The following PHF14 variants were observed in gnomAD, a reference collection of about 807,000 sequenced individuals.
PHF14 encodes the protein PHD finger protein 14.
A neutral mutation model predicts 117.9 loss-of-function variants in PHF14; 55 were observed. The ratio of observed to expected loss-of-function variants is 0.47; its 90% confidence interval spans 0.38 to 0.58. The LOEUF (loss-of-function observed/expected upper bound fraction) is 0.58, where lower values mean the gene tolerates loss of function less well. Among genes scored for constraint, PHF14 ranks in the 20% least tolerant of loss-of-function variants. The pLI is 0.00. For missense variants in PHF14, 978 were observed against 1,122.2 expected, an observed-to-expected ratio of 0.87 and a Z score of 1.84; for synonymous variants, 409 against 368.6, an observed-to-expected ratio of 1.11 and a Z score of -1.26.
intron 16 of PHF14, chr7:11,063,017 G>C (rs1684007338): frequency 1.3e-6 from 1 of 794,322 alleles, no homozygotes; most frequent in African/African-American, 1.9e-5. Flanking sequence ...TAGTGTTGTT[G>C]TATGTTTTTA....
At chr7:11,019,748 T>C (rs1412309975) in intron 5 of PHF14, among the ~76,000 whole-genome samples, 1 of 152,190 alleles carries the variant, frequency 6.6e-6, no homozygotes, top group Non-Finnish European at 1.5e-5. Context: ...ATTTCTGCTC[T>C]GATCTTTATT....
At chr7:11,047,979 A>C (rs1784732411) in intron 13 of PHF14, among the ~76,000 whole-genome samples, 1 of 150,712 alleles carries the variant, frequency 6.6e-6, no homozygotes, top group South Asian at 2.1e-4. Flanking sequence ...GAAAAGAGAA[A>C]AACCTCTTGG....
intron 17 of PHF14, among the ~76,000 whole-genome samples, chr7:11,138,870 CAAGT>C (rs1788322147): frequency 6.6e-6 from 1 of 152,112 alleles, no homozygotes; most frequent in African/African-American, 2.4e-5. Flanking sequence ...ACTTGGAACT[CAAGT>C]AACCTATCTG....
chr7:10,975,542 T>G (rs1781832330), intron 2 of PHF14, among the ~76,000 whole-genome samples: 2 of 152,206 alleles, frequency 1.3e-5, no homozygotes, highest in Admixed American at 1.3e-4. Flanking sequence ...TATATTCACA[T>G]TGTACTAAAC....
In PHF14 at chr7:11,051,795, A is replaced by G. The variant is rs547759521; in HGVS notation, c.2481+15A>G. ...TAAGAAACACGGTAGTTTATTTTTTATTTATCATAAGCATCATACAATTCT... is the reference window on the plus strand; with the variant it reads ...TAAGAAACACGGTAGTTTATTTTTTGTTTATCATAAGCATCATACAATTCT... On this transcript the variant is annotated intron_variant, in intron 14 of 17. Coordinates refer to ENST00000634607, the MANE Select transcript of PHF14 (RefSeq NM_001007157.2). 4.3e-6 allele frequency: 7 copies of G among 1,609,894 alleles called. No individual in the cohort carries two copies. Among genetic ancestry groups the G allele is most frequent in the East Asian group, 4.5e-5 (2 of 44,820 alleles).
chr7:11,032,970 G>C (rs991545748), intron 7 of PHF14, among the ~76,000 whole-genome samples: 1 of 152,166 alleles, frequency 6.6e-6, no homozygotes, highest in Non-Finnish European at 1.5e-5. Context: ...CTGGCTTTCA[G>C]TTTTCTATCC....
At chr7:10,994,281 T>TA (rs1782556795) in intron 4 of PHF14, among the ~76,000 whole-genome samples, 1 of 151,338 alleles carries the variant, frequency 6.6e-6, no homozygotes, top group Non-Finnish European at 1.5e-5. Context: ...CTACTAAAAA[T>TA]ACAAAAAATT....
chr7:11,150,350 G>A (rs753378724), intron 17 of PHF14, among the ~76,000 whole-genome samples: 4 of 152,106 alleles, frequency 2.6e-5, no homozygotes, highest in Non-Finnish European at 5.9e-5. Context: ...TTCTGTGTTT[G>A]CTGGTTATAA....
intron 17 of PHF14, among the ~76,000 whole-genome samples, chr7:11,135,164 G>A (rs937111757): frequency 6.6e-6 from 1 of 152,080 alleles, no homozygotes; most frequent in Non-Finnish European, 1.5e-5. Context: ...AATTATTTAG[G>A]TAACTGTGTA....
At chr7:10,994,675 T>C (rs1413332081) in intron 4 of PHF14, among the ~76,000 whole-genome samples, 2 of 151,834 alleles carry the variant, frequency 1.3e-5, no homozygotes, top group Non-Finnish European at 2.9e-5. Flanking sequence ...TCGCGGTGAG[T>C]GTTAACAGTT....
chr7:11,088,414 A>ACACG (rs1554270420), intron 16 of PHF14, among the ~76,000 whole-genome samples: 5 of 127,880 alleles, frequency 3.9e-5, no homozygotes, highest in African/African-American at 8.4e-5. Flanking sequence ...ACACACACAC[A>ACACG]CACGCACACA....
chr7:10,979,749 T>C (rs1583323121), intron 2 of PHF14, among the ~76,000 whole-genome samples: 3 of 152,022 alleles, frequency 2.0e-5, no homozygotes, highest in Non-Finnish European at 4.4e-5. Flanking sequence ...TAGTGACTAA[T>C]TAGATGAAGA....
In PHF14 at chr7:11,111,367, T is replaced by C; in HGVS notation, c.2672T>C (p.Leu891Pro). Residue 891 changes from leucine to proline, a missense_variant, in exon 17 of 18, where the codon CTC becomes CCC. Around this residue, in one of 7 missense-constraint regions of PHF14, gnomAD observed 180 missense variants for 195.4 expected, o/e 0.92. Transcript: ENST00000634607. The part of the protein sequence containing the change: ...ENLVRCDECR[L>P]CYHFGCLDPP... ...CCCTGCAGGTGTGATGAATGCAGAC[T>C]CTGCTACCATTTTGGCTGTTTGGAT... 6.3e-7 allele frequency: 1 copy of C among 1,596,272 alleles called. No individual in the cohort carries two copies. The highest frequency in any genetic ancestry group is 8.6e-7 in the Non-Finnish European group (1 of 1,166,216).
intron 16 of PHF14, among the ~76,000 whole-genome samples, chr7:11,077,333 G>T (rs1785901651): frequency 6.6e-6 from 1 of 151,474 alleles, no homozygotes; most frequent in African/African-American, 2.4e-5. Context: ...CGGGCGCAGT[G>T]GGGCTCATGC....
rs1442414922 is a variant in PHF14, at chr7:11,169,584, G to T, written c.*94G>T. 3.7e-6 allele frequency: 2 copies of T among 539,384 alleles called. No individual in the cohort carries two copies. The highest frequency in any genetic ancestry group is 6.8e-5 in the East Asian group (2 of 29,516). 33.4% of individuals were successfully genotyped at this position (539,384 alleles called of 1,614,324 possible). A position where few individuals can be genotyped will look rare whatever the true frequency, so the allele number is the denominator to read the frequency against. On this transcript the variant is annotated 3_prime_UTR_variant, in exon 18 of 18. Transcript: ENST00000634607. ...AATGTTAAATTGTAAAATCTAATTT[G>T]CAAAATGTTCTCAATAAAGTCATTC...
At position 11,035,636 on chromosome 7, in the gene PHF14, A is replaced by G. The variant is rs2353340; in HGVS notation, c.1456-4A>G. The G allele has an allele frequency of 0.38, 589,837 of 1,572,608 alleles. 116,891 individuals carry two copies. Among genetic ancestry groups the G allele is most frequent in the East Asian group, 0.72 (31,577 of 44,128 alleles). On this transcript the variant is annotated splice_region_variant and splice_polypyrimidine_tract_variant and intron_variant, in intron 7 of 17. Transcript: ENST00000634607. Reference sequence around the variant, plus strand: ...CACTATTTTTCTGTGCTTTCTTTGTATAGGATATAGCAGATCCATTCTTTG... The same window carrying G: ...CACTATTTTTCTGTGCTTTCTTTGTGTAGGATATAGCAGATCCATTCTTTG...
At chr7:11,111,556 T>C (rs1021136131) in intron 17 of PHF14, 89 bp downstream of exon 17, 7 of 654,872 alleles carry the variant, frequency 1.1e-5, no homozygotes, top group African/African-American at 7.3e-5. Flanking sequence ...TTAAAGATAA[T>C]TGGAATATGA....
chr7:11,167,007 CAT>C (rs918642275), intron 17 of PHF14, among the ~76,000 whole-genome samples: 75 of 152,254 alleles, frequency 4.9e-4, no homozygotes, highest in African/African-American at 1.8e-3. Flanking sequence ...ATATTTAAAA[CAT>C]ATTCAAATTA....
At chr7:11,005,025 A>T (rs950683967) in intron 4 of PHF14, among the ~76,000 whole-genome samples, 3 of 152,150 alleles carry the variant, frequency 2.0e-5, no homozygotes, top group Non-Finnish European at 4.4e-5. Flanking sequence ...TCAAAAAAAA[A>T]ATGTATAATG....
Sources: gnomAD v4.1 joint callset for allele counts (sites outside exome capture counted in the v4.1 genomes callset) on GRCh38, gnomAD v4.1.1 for gene constraint, gnomAD v4.1.1 regional missense constraint, MANE v1.5 for transcripts, NCBI Gene and HGNC (gene_info 2026-07-23, HGNC 2026-07-21) for gene names.